The following PCDHA10 variants were observed in gnomAD, a reference collection of about 807,000 sequenced individuals.
The protein encoded by PCDHA10 is protocadherin alpha 10.
Under a neutral mutation model 61.2 loss-of-function variants are expected in PCDHA10, and 45 were observed. That is an observed-to-expected ratio of 0.74 (90% CI 0.58 to 0.94). The LOEUF is 0.94. PCDHA10 is among the 40% of genes least tolerant of loss of function. PCDHA10 has a pLI of 0.00. For synonymous variants in PCDHA10, 602 were observed against 548.8 expected (o/e 1.10, Z -1.35); for missense variants, 1,278 against 1,236.2 (o/e 1.03, Z -0.51).
intron 1 of PCDHA10, among the ~76,000 whole-genome samples, chr5:140,898,022 T>A (rs1235447722): frequency 6.6e-6 from 1 of 152,202 alleles, no homozygotes; most frequent in Non-Finnish European, 1.5e-5. Flanking sequence ...CTTTGCCCAC[T>A]TTTTGATGGG....
In PCDHA10 at chr5:140,856,332, G is replaced by A; in HGVS notation, c.284G>A (p.Cys95Tyr). ...TCTCGGATTGACCGCGAGGAGCTGT[G>A]CGGGCGGAGCGTGGAGTGCAGCATC... ...VNSRIDREEL[C>Y]GRSVECSIHL... Residue 95 changes from cysteine to tyrosine, a missense_variant, in exon 1 of 4, where the codon TGC (cysteine) becomes TAC (tyrosine). Transcript: ENST00000307360. The A allele has an allele frequency of 1.3e-6, 2 of 1,598,636 alleles. No individual in the cohort carries two copies. The highest frequency in any genetic ancestry group is 2.2e-5 in the East Asian group (1 of 44,854).
At chr5:141,004,564 T>C (rs1205705593) in intron 3 of PCDHA10, among the ~76,000 whole-genome samples, 1 of 152,196 alleles carries the variant, frequency 6.6e-6, no homozygotes, top group Non-Finnish European at 1.5e-5. Flanking sequence ...AAGATGAACA[T>C]ATCTCTGTGT....
intron 1 of PCDHA10, chr5:140,869,477 A>T: frequency 1.2e-6 from 2 of 1,614,208 alleles, no homozygotes; most frequent in African/African-American, 2.7e-5. Context: ...GAGGTGAAGG[A>T]CATTAACGAC....
At chr5:140,936,446 C>G (rs1200299868) in intron 1 of PCDHA10, among the ~76,000 whole-genome samples, 1 of 152,164 alleles carries the variant, frequency 6.6e-6, no homozygotes, top group Non-Finnish European at 1.5e-5. Flanking sequence ...TAAATAACCA[C>G]ATCTGTTTAG....
At chr5:140,889,267 A>C (rs1376262292) in intron 1 of PCDHA10, among the ~76,000 whole-genome samples, 1 of 151,966 alleles carries the variant, frequency 6.6e-6, no homozygotes. Context: ...AAGTTTGTAT[A>C]ATCTTTGAAT....
At chr5:140,970,271 G>A (rs1395602971) in intron 1 of PCDHA10, among the ~76,000 whole-genome samples, 1 of 152,200 alleles carries the variant, frequency 6.6e-6, no homozygotes, top group Non-Finnish European at 1.5e-5. Context: ...TTGATGAGAT[G>A]TAAAGTAGCC....
intron 1 of PCDHA10, chr5:140,929,479 A>G (rs2086187931): frequency 4.2e-6 from 5 of 1,193,216 alleles, no homozygotes; most frequent in Admixed American, 3.2e-5. Context: ...CTGGAAGTAT[A>G]GAAGTATTAG....
chr5:140,949,040 A>G (rs1419524123), intron 1 of PCDHA10, among the ~76,000 whole-genome samples: 1 of 151,758 alleles, frequency 6.6e-6, no homozygotes, highest in Non-Finnish European at 1.5e-5. Flanking sequence ...ATTTAAAAGT[A>G]TGTTCTAATT....
At chr5:140,869,231 C>T (rs781820629) in intron 1 of PCDHA10, 29 of 1,613,712 alleles carry the variant, frequency 1.8e-5, no homozygotes, top group Non-Finnish European at 2.3e-5. Context: ...AAACACGGCA[C>T]CTTCGTGGGC....
intron 1 of PCDHA10, chr5:140,883,877 G>A: frequency 1.2e-6 from 2 of 1,613,254 alleles, no homozygotes; most frequent in Non-Finnish European, 1.7e-6. Flanking sequence ...CCAGGTGAGC[G>A]CGCGCGACTC....
At chr5:140,861,543 C>G (rs1554154929) in intron 1 of PCDHA10, 2 of 424,418 alleles carry the variant, frequency 4.7e-6, no homozygotes, top group East Asian at 7.1e-5. Flanking sequence ...CAGCATCCAC[C>G]TGGAAGTGAT....
intron 1 of PCDHA10, chr5:140,859,302 A>G (rs1280073821): frequency 4.7e-5 from 6 of 128,898 alleles, no homozygotes; most frequent in Non-Finnish European, 1.1e-4. Context: ...CTTTAGTATG[A>G]ATTAATATTA....
intron 1 of PCDHA10, among the ~76,000 whole-genome samples, chr5:140,878,446 T>C (rs2057593210): frequency 6.6e-6 from 1 of 152,210 alleles, no homozygotes; most frequent in Admixed American, 6.5e-5. Flanking sequence ...CTATTCTTAT[T>C]TACATGAAAT....
chr5:140,929,461 C>A, intron 1 of PCDHA10: 1 of 1,314,566 alleles, frequency 7.6e-7, no homozygotes, highest in Non-Finnish European at 1.0e-6. Context: ...CTTCCTGTGC[C>A]AAGAAATCTG....
intron 1 of PCDHA10, chr5:140,871,446 A>C (rs1554165605): frequency 6.2e-7 from 1 of 1,610,058 alleles, no homozygotes; most frequent in Non-Finnish European, 8.5e-7. Context: ...GTCTGAATAA[A>C]GAGGAGGAAG....
intron 1 of PCDHA10, chr5:140,876,605 A>T (rs1582292779): frequency 6.2e-7 from 1 of 1,614,060 alleles, no homozygotes; most frequent in South Asian, 1.1e-5. Context: ...TCGGATCGTG[A>T]CTCTGGAGCC....
At chr5:140,877,490 G>T (rs2057160256) in intron 1 of PCDHA10, 2 of 1,613,718 alleles carry the variant, frequency 1.2e-6, no homozygotes, top group Non-Finnish European at 1.7e-6. Flanking sequence ...GTGGAGAACG[G>T]CCAGGCCCCA....
intron 1 of PCDHA10, 170 bp downstream of exon 1, chr5:140,858,606 T>A: frequency 8.0e-7 from 1 of 1,257,634 alleles, no homozygotes; most frequent in Non-Finnish European, 1.1e-6. Flanking sequence ...GTTTTAAAAT[T>A]TTTTTATCCT....
chr5:140,901,459 C>G (rs528238941), intron 1 of PCDHA10, among the ~76,000 whole-genome samples: 1 of 152,160 alleles, frequency 6.6e-6, no homozygotes, highest in South Asian at 2.1e-4. Flanking sequence ...CACAGACTGT[C>G]TTTTCTCGAG....
Sources: allele counts gnomAD v4.1 joint callset (sites outside exome capture counted in the v4.1 genomes callset), GRCh38; gene constraint gnomAD v4.1.1; transcripts MANE v1.5; gene names NCBI Gene and HGNC (gene_info 2026-07-23, HGNC 2026-07-21).